PADI2: variants seen among roughly 807,000 people sequenced by gnomAD.
The protein encoded by PADI2 is peptidyl arginine deiminase 2.
Under a neutral mutation model 81.1 loss-of-function variants are expected in PADI2, and 70 were observed. That is an observed-to-expected ratio of 0.86 (90% CI 0.71 to 1.05). The LOEUF is 1.05. Ranked by LOEUF, PADI2 falls within the 50% of genes least tolerant of loss-of-function variation. PADI2 has a pLI of 0.00. For synonymous variants in PADI2, 338 were observed against 358.0 expected (o/e 0.94, Z 0.63); for missense variants, 853 against 889.9 (o/e 0.96, Z 0.53).
Position 17,115,761 on chromosome 1 carries a change from A to G in PADI2, c.92+3519T>C, listed in dbSNP as rs1931735600. Among the ~76,000 whole-genome samples, 1 of 152,262 alleles carries G rather than the reference A, an allele frequency of 6.6e-6. No homozygotes were observed. The highest frequency in any genetic ancestry group is 1.5e-5 in the Non-Finnish European group (1 of 68,042). On this transcript the variant is annotated intron_variant, in intron 1 of 15. Coordinates refer to ENST00000375486, the MANE Select transcript of PADI2 (RefSeq NM_007365.3). This position sits in a 1 kb window ranked among gnomAD's most constrained non-coding sequence, Gnocchi z 4.1. The stretch of plus-strand genomic sequence containing the variant: ...ACCACCGGAGGAGATTGTGTGGGCC[A>G]GGTGTACCTGTGCCAAGACTAAGAT...
intron 8 of PADI2, 78 bp downstream of exon 8, chr1:17,084,521 G>C (rs1488955970): frequency 6.1e-6 from 5 of 820,712 alleles, no homozygotes. Flanking sequence ...ACGGGGCCAG[G>C]AACTAGACTC....
intron 10 of PADI2, 50 bp downstream of exon 10, chr1:17,082,495 G>T: frequency 8.4e-7 from 1 of 1,191,316 alleles, no homozygotes; most frequent in Non-Finnish European, 1.3e-6. Flanking sequence ...TCTGTCTTAT[G>T]AGAATCTCCA....
intron 14 of PADI2, 90 bp from the exon 15 acceptor site, chr1:17,070,306 C>G (rs554623424): frequency 6.4e-7 from 1 of 1,551,430 alleles, no homozygotes; most frequent in Non-Finnish European, 8.8e-7. Context: ...AGCACCAGGC[C>G]AGGGGCCCCG....
intron 9 of PADI2, chr1:17,082,867 T>C (rs2078355329): frequency 2.2e-6 from 1 of 460,414 alleles, no homozygotes; most frequent in Non-Finnish European, 3.8e-6. Flanking sequence ...CTTACCGATA[T>C]CAGCCCCATT....
At chr1:17,083,432 C>T (rs920395093) in intron 9 of PADI2, 20 of 381,694 alleles carry the variant, frequency 5.2e-5, no homozygotes, top group Non-Finnish European at 9.6e-5. Flanking sequence ...ATCCTGTATC[C>T]ATATTGAGAG....
rs569464203 is a variant in PADI2, at chr1:17,078,361, T to C, written c.1310+903A>G. Among the ~76,000 whole-genome samples, 6 of 152,276 alleles carry C rather than the reference T, an allele frequency of 3.9e-5. No individual in the cohort carries two copies. In the East Asian group the frequency reaches 1.2e-3, roughly 29 times the overall value. ...CCCGACCTCAGGTGATCCACCCGCCTCGGCCTCCCAAAGTACTGGGATTAC... is the reference window on the plus strand; with the variant it reads ...CCCGACCTCAGGTGATCCACCCGCCCCGGCCTCCCAAAGTACTGGGATTAC... On this transcript the variant is annotated intron_variant, in intron 11 of 15. Coordinates refer to ENST00000375486, the MANE Select transcript of PADI2 (RefSeq NM_007365.3).
intron 5 of PADI2, 148 bp from the exon 6 acceptor site, chr1:17,092,681 G>A (rs1186193850): frequency 9.0e-6 from 6 of 665,940 alleles, no homozygotes; most frequent in African/African-American, 1.9e-5. Flanking sequence ...GGGTGCTGTG[G>A]CTCACACCTG....
intron 1 of PADI2, among the ~76,000 whole-genome samples, chr1:17,110,068 T>C (rs941310391): frequency 2.6e-5 from 4 of 152,104 alleles, no homozygotes; most frequent in Admixed American, 2.6e-4. Context: ...CAGCTATTCT[T>C]GGAGTGGCCC....
intron 1 of PADI2, among the ~76,000 whole-genome samples, chr1:17,112,532 G>A (rs932622689): frequency 6.7e-6 from 1 of 148,510 alleles, no homozygotes; most frequent in Non-Finnish European, 1.5e-5. Context: ...CTGGGGGGGG[G>A]AGTCGTGGGT....
intron 1 of PADI2, among the ~76,000 whole-genome samples, chr1:17,116,994 G>C (rs1931779574): frequency 6.6e-6 from 1 of 152,194 alleles, no homozygotes; most frequent in Non-Finnish European, 1.5e-5. Flanking sequence ...TGCTGGCACT[G>C]TCTGGCAACA....
intron 1 of PADI2, among the ~76,000 whole-genome samples, chr1:17,110,346 C>T (rs557166345): frequency 6.6e-6 from 1 of 152,208 alleles, no homozygotes; most frequent in South Asian, 2.1e-4. Flanking sequence ...TCACTGTGGC[C>T]ATGTCTCCTG....
At chr1:17,096,113 G>A in intron 3 of PADI2, 143 bp from the exon 4 acceptor site, 1 of 558,374 alleles carries the variant, frequency 1.8e-6, no homozygotes. Context: ...GTCATCTTAT[G>A]CAACCCCCTG....
At chr1:17,112,202 G>C (rs1390496549) in intron 1 of PADI2, among the ~76,000 whole-genome samples, 1 of 152,110 alleles carries the variant, frequency 6.6e-6, no homozygotes, top group Non-Finnish European at 1.5e-5. Context: ...TGGAAATGGA[G>C]AGAAATGGCC....
intron 1 of PADI2, among the ~76,000 whole-genome samples, chr1:17,112,251 C>G (rs571657702): frequency 9.9e-5 from 15 of 152,212 alleles, no homozygotes; most frequent in Non-Finnish European, 2.2e-4. Flanking sequence ...TGCCCAGTCC[C>G]ACAAATGCTT....
chr1:17,097,868 C>A (rs1215367143), intron 3 of PADI2, among the ~76,000 whole-genome samples: 1 of 152,190 alleles, frequency 6.6e-6, no homozygotes, highest in Non-Finnish European at 1.5e-5. Flanking sequence ...TTTCAGGGAG[C>A]TGGCTTCCTG....
At chr1:17,087,319 C>G (rs577127177) in intron 6 of PADI2, among the ~76,000 whole-genome samples, 1 of 152,252 alleles carries the variant, frequency 6.6e-6, no homozygotes, top group African/African-American at 2.4e-5. Context: ...CCCAGTTTGA[C>G]TTGTGCTCTC....
At chr1:17,075,256 G>T (rs1334090341) in intron 12 of PADI2, 1 of 324,622 alleles carries the variant, frequency 3.1e-6, no homozygotes. Context: ...GTACCCATAA[G>T]AAAATGAAAG....
chr1:17,104,107 C>T (rs1050915030), intron 2 of PADI2, among the ~76,000 whole-genome samples: 2 of 147,294 alleles, frequency 1.4e-5, no homozygotes, highest in Non-Finnish European at 3.0e-5. Context: ...ACGGTGAAAC[C>T]CCATCTCTAC....
rs2078230881 is a variant in PADI2, at chr1:17,067,454, G to C, written c.*1590C>G. 1 of 152,112 alleles carries C rather than the reference G, an allele frequency of 6.6e-6. No individual in the cohort carries two copies. Among genetic ancestry groups the C allele is most frequent in the African/African-American group, 2.4e-5 (1 of 41,392 alleles). 9.4% of individuals were successfully genotyped at this position (152,112 alleles called of 1,614,324 possible). On this transcript the variant is annotated 3_prime_UTR_variant, in exon 16 of 16. Coordinates refer to ENST00000375486, the MANE Select transcript of PADI2 (RefSeq NM_007365.3). Reference sequence around the variant, plus strand: ...GTACTGGCTAGGTAGATGGGAAGGGGGCCTGTTTAAAGAAGACCCCCCACC... The same window carrying C: ...GTACTGGCTAGGTAGATGGGAAGGGCGCCTGTTTAAAGAAGACCCCCCACC...
Sources: gnomAD v4.1 joint callset for allele counts (sites outside exome capture counted in the v4.1 genomes callset) on GRCh38, gnomAD v4.1.1 for gene constraint, Gnocchi (gnomAD v3.1) non-coding constraint, MANE v1.5 for transcripts, NCBI Gene and HGNC (gene_info 2026-07-23, HGNC 2026-07-21) for gene names.